PDE1C: variants seen among roughly 807,000 people sequenced by gnomAD.
PDE1C encodes the protein dual specificity calcium/calmodulin-dependent 3',5'-cyclic nucleotide phosphodiesterase 1C.
A neutral mutation model predicts 93.1 loss-of-function variants in PDE1C; 62 were observed. The ratio of observed to expected loss-of-function variants is 0.67; its 90% CI spans 0.54 to 0.82. The LOEUF is 0.82. PDE1C is among the 40% of genes least tolerant of loss of function. The pLI, the probability that PDE1C is intolerant of heterozygous loss-of-function variation, is 0.00. For synonymous variants in PDE1C, 325 were observed against 310.1 expected (o/e 1.05, Z -0.50); for missense variants, 742 against 884.6 (o/e 0.84, Z 2.04).
rs114560522 is a variant in PDE1C, at chr7:32,321,473, G to A, written c.310+106349C>T. ...ATAAAATAGATGCCCCTTACTTTTG[G>A]GTGGCTGTGGGAGTGTTACTCTGTT... On this transcript the variant is annotated intron_variant, in intron 1 of 1. Coordinates refer to the PDE1C transcript ENST00000672256. Among the ~76,000 whole-genome samples, 467 of 152,234 alleles carry A rather than the reference G, an allele frequency of 3.1e-3. 3 individuals carry two copies. The highest frequency in any genetic ancestry group is 0.01 in the African/African-American group (425 of 41,526).
intron 2 of PDE1C, among the ~76,000 whole-genome samples, chr7:32,001,929 G>C (rs1785518406): frequency 6.6e-6 from 1 of 152,102 alleles, no homozygotes; most frequent in African/African-American, 2.4e-5. Context: ...CGTTGTGGCA[G>C]GTTCCTGTAA....
chr7:31,866,026 C>A (rs1583671688), intron 6 of PDE1C, among the ~76,000 whole-genome samples: 1 of 152,010 alleles, frequency 6.6e-6, no homozygotes, highest in Non-Finnish European at 1.5e-5. Context: ...AATATACATG[C>A]CTTCCTTTTC....
At chr7:31,903,551 G>A (rs764355507) in intron 2 of PDE1C, among the ~76,000 whole-genome samples, 15 of 152,028 alleles carry the variant, frequency 9.9e-5, no homozygotes, top group Admixed American at 9.8e-4. Flanking sequence ...CAGATTCTTA[G>A]ATCAATTCCT....
the PDE1C span, chr7:31,686,739 T>C: frequency 1.3e-5 from 2 of 152,360 alleles, no homozygotes; most frequent in East Asian, 1.9e-4. Flanking sequence ...GTGAAGTCTC[T>C]AGAAGAGTGT....
At chr7:31,964,847 G>C (rs75601342) in intron 2 of PDE1C, among the ~76,000 whole-genome samples, 1 of 152,152 alleles carries the variant, frequency 6.6e-6, no homozygotes, top group Non-Finnish European at 1.5e-5. Flanking sequence ...AGGCAAACAG[G>C]GTCTGGAGTG....
At chr7:32,022,951 T>A (rs549464896) in intron 2 of PDE1C, among the ~76,000 whole-genome samples, 18 of 150,040 alleles carry the variant, frequency 1.2e-4, no homozygotes, top group African/African-American at 4.5e-4. Flanking sequence ...TTGCTTTCTT[T>A]ACCTTCTATT....
chr7:31,702,647 G>T, the PDE1C span, among the ~76,000 whole-genome samples: 1 of 152,072 alleles, frequency 6.6e-6, no homozygotes. Flanking sequence ...TCTTCTTGTT[G>T]CCTGTATTGT....
intron 2 of PDE1C, among the ~76,000 whole-genome samples, chr7:31,903,913 CTATTA>C (rs1484325710): frequency 6.6e-6 from 1 of 152,118 alleles, no homozygotes; most frequent in Non-Finnish European, 1.5e-5. Context: ...TTGGGTATCT[CTATTA>C]TTGAGATAAA....
chr7:31,862,144 A>G (rs1171866346), intron 7 of PDE1C, among the ~76,000 whole-genome samples: 1 of 152,200 alleles, frequency 6.6e-6, no homozygotes, highest in Non-Finnish European at 1.5e-5. Context: ...CTTAAATACT[A>G]TCTCCAGAGA....
chr7:31,981,000 C>T (rs1201656090), intron 2 of PDE1C, among the ~76,000 whole-genome samples: 1 of 152,160 alleles, frequency 6.6e-6, no homozygotes, highest in Non-Finnish European at 1.5e-5. Flanking sequence ...GTCCCTTCTG[C>T]CACATCAGGC....
the PDE1C span, among the ~76,000 whole-genome samples, chr7:31,675,351 C>A: frequency 5.9e-5 from 9 of 152,218 alleles, no homozygotes; most frequent in South Asian, 2.1e-4. Flanking sequence ...GGAGGCTCAA[C>A]CTAGATCCTA....
chr7:31,689,748 G>T, the PDE1C span, among the ~76,000 whole-genome samples: 1 of 151,994 alleles, frequency 6.6e-6, no homozygotes, highest in Non-Finnish European at 1.5e-5. Context: ...TCTTTTCTTT[G>T]TGTGAAAATT....
At chr7:32,108,621 T>C (rs938415763) in intron 3 of PDE1C, among the ~76,000 whole-genome samples, 4 of 152,312 alleles carry the variant, frequency 2.6e-5, no homozygotes, top group Admixed American at 6.5e-5. Context: ...ATTTCATACC[T>C]GTACCATGAC....
intron 1 of PDE1C, among the ~76,000 whole-genome samples, chr7:32,277,268 A>G (rs1365361366): frequency 2.0e-5 from 3 of 152,170 alleles, no homozygotes. Flanking sequence ...AAACAAAAAA[A>G]TCTGTATGCA....
the PDE1C span, among the ~76,000 whole-genome samples, chr7:31,732,944 C>G: frequency 6.6e-6 from 1 of 152,144 alleles, no homozygotes; most frequent in Non-Finnish European, 1.5e-5. Flanking sequence ...GTGGTGCTAT[C>G]ATTTTAGGGG....
At chr7:32,410,812 C>T (rs1175695860) in intron 1 of PDE1C, among the ~76,000 whole-genome samples, 1 of 152,190 alleles carries the variant, frequency 6.6e-6, no homozygotes, top group African/African-American at 2.4e-5. Context: ...CCCTTGATAA[C>T]TCTATTCCAC....
At chr7:32,176,553 T>C (rs1426503946) in intron 2 of PDE1C, among the ~76,000 whole-genome samples, 2 of 152,128 alleles carry the variant, frequency 1.3e-5, no homozygotes, top group Admixed American at 6.6e-5. Context: ...AATCCTAAAA[T>C]TGAATAGAAA....
intron 2 of PDE1C, among the ~76,000 whole-genome samples, chr7:31,943,350 C>T (rs574426656): frequency 7.9e-5 from 12 of 152,292 alleles, no homozygotes; most frequent in African/African-American, 2.9e-4. Context: ...GCAGTCACTG[C>T]TCACCAGACA....
At chr7:32,024,078 T>C (rs745315595) in intron 2 of PDE1C, among the ~76,000 whole-genome samples, 3 of 152,116 alleles carry the variant, frequency 2.0e-5, no homozygotes, top group African/African-American at 4.8e-5. Flanking sequence ...ATAAAAACTT[T>C]AAAATATATG....
Sources: gnomAD v4.1 joint callset for allele counts (sites outside exome capture counted in the v4.1 genomes callset) on GRCh38, gnomAD v4.1.1 for gene constraint, MANE v1.5 for transcripts, NCBI Gene and HGNC (gene_info 2026-07-23, HGNC 2026-07-21) for gene names.